Variants in SLC6A20 observed in about 807,000 individuals in gnomAD.
SLC6A20 encodes solute carrier family 6 member 20.
Under a neutral mutation model 64.3 loss-of-function variants are expected in SLC6A20, and 73 were observed. That is an observed-to-expected ratio of 1.14 (90% CI 0.94 to 1.38). SLC6A20 has a LOEUF of 1.38. Among genes scored for constraint, SLC6A20 ranks in the 40% most tolerant of loss-of-function variants. SLC6A20 has a pLI of 0.00. For missense variants in SLC6A20, 725 were observed against 772.8 expected, an observed-to-expected ratio of 0.94 and a Z score of 0.73; for synonymous variants, 347 against 329.6, an observed-to-expected ratio of 1.05 and a Z score of -0.57.
intron 4 of SLC6A20, among the ~76,000 whole-genome samples, chr3:45,772,954 G>A (rs550610927): frequency 7.2e-5 from 11 of 152,254 alleles, no homozygotes; most frequent in Non-Finnish European, 7.4e-5. Context: ...CATCAGTCAC[G>A]TTAACATTTC....
At chr3:45,796,073 G>A (rs1305114757) in intron 1 of SLC6A20, among the ~76,000 whole-genome samples, 1 of 152,204 alleles carries the variant, frequency 6.6e-6, no homozygotes, top group Non-Finnish European at 1.5e-5. Context: ...CCGCCCCCGG[G>A]ATGGGGCGAG....
rs775369622 is a variant in SLC6A20, at chr3:45,796,436, C to G, written c.-17G>C. ...TTTCTCCATGGCCCCGGCCTCGGCG[C>G]GCTCGGCTCCGGCTCGGGGGTCCGG... On this transcript the variant is annotated 5_prime_UTR_variant, in exon 1 of 11. Transcript: ENST00000358525. 1.2e-6 allele frequency: 2 copies of G among 1,605,500 alleles called. No homozygotes were observed. Among genetic ancestry groups the G allele is most frequent in the Admixed American group, 1.7e-5 (1 of 59,588 alleles).
intron 3 of SLC6A20, among the ~76,000 whole-genome samples, chr3:45,776,841 C>G (rs751113414): frequency 1.3e-5 from 2 of 152,162 alleles, no homozygotes; most frequent in African/African-American, 4.8e-5. Context: ...CCAAGGCAGG[C>G]GGGGATTGGG....
intron 7 of SLC6A20, among the ~76,000 whole-genome samples, chr3:45,766,116 G>A (rs1699772620): frequency 1.3e-5 from 2 of 152,228 alleles, no homozygotes; most frequent in African/African-American, 4.8e-5. Flanking sequence ...GGAGGGCGGG[G>A]CCAGGGCAGC....
At position 45,759,000 on chromosome 3, in the gene SLC6A20, C is replaced by G. The variant is rs1158297431; in HGVS notation, c.1757G>C (p.Gly586Ala). ...GTFVQRRLKRGDADPVA is the reference protein window; with the variant it reads ...GTFVQRRLKRADADPVA ...ATCTCAGGCCACGGGGTCTGCGTCTCCCCTCTTGAGGCGACGCTGAACAAA... is the reference window on the plus strand; with the variant it reads ...ATCTCAGGCCACGGGGTCTGCGTCTGCCCTCTTGAGGCGACGCTGAACAAA... Residue 586 changes from glycine (G) to alanine (A), a missense_variant, in exon 11 of 11, where the codon GGA becomes GCA. Physicochemically the swap from Gly to Ala is moderately conservative, Grantham distance 60 (BLOSUM62 0). Coordinates refer to ENST00000358525, the MANE Select transcript of SLC6A20 (RefSeq NM_020208.4). 3 of 1,611,330 alleles carry G rather than the reference C, an allele frequency of 1.9e-6. No homozygotes were observed. The Admixed American group carries it at 5.0e-5, about 27-fold the overall frequency.
At chr3:45,764,155 C>G (rs1045006604) in intron 8 of SLC6A20, among the ~76,000 whole-genome samples, 1 of 152,094 alleles carries the variant, frequency 6.6e-6, no homozygotes, top group African/African-American at 2.4e-5. Flanking sequence ...TGGAGTGGAG[C>G]AGATGGGCCA....
At chr3:45,773,478 T>G (rs765945360) in intron 4 of SLC6A20, among the ~76,000 whole-genome samples, 1 of 152,230 alleles carries the variant, frequency 6.6e-6, no homozygotes, top group African/African-American at 2.4e-5. Context: ...TTCTAACTGT[T>G]ACAAAGCCAT....
At chr3:45,770,126 C>T (rs1699835077) in intron 7 of SLC6A20, 83 bp downstream of exon 7, 1 of 1,565,742 alleles carries the variant, frequency 6.4e-7, no homozygotes, top group Non-Finnish European at 8.7e-7. Flanking sequence ...CAGACCTCGC[C>T]TATCTCCCAA....
At chr3:45,771,660 TC>T in intron 5 of SLC6A20, 1 of 758,064 alleles carries the variant, frequency 1.3e-6, no homozygotes, top group Non-Finnish European at 2.1e-6. Flanking sequence ...GCTGCACACC[TC>T]CCAGGGCTAA....
At chr3:45,788,455 C>T (rs1700202755) in intron 1 of SLC6A20, among the ~76,000 whole-genome samples, 2 of 152,156 alleles carry the variant, frequency 1.3e-5, no homozygotes, top group Admixed American at 1.3e-4. Context: ...TAGAAAAGTA[C>T]AATCACAAAT....
In SLC6A20 at chr3:45,763,166, G is replaced by C. The variant is rs535011803; in HGVS notation, c.1304-94C>G. On this transcript the variant is annotated intron_variant, in intron 8 of 10. Transcript: ENST00000358525. ...GGACAGTGGGGTCGTCGGCCCTCAG[G>C]GAATTTTGGCTGATTGCTTCATCCA... The C allele has an allele frequency of 6.2e-4, 955 of 1,549,542 alleles. 1 individual carries two copies. The highest frequency in any genetic ancestry group is 7.6e-4 in the Non-Finnish European group (874 of 1,143,336).
Position 45,771,391 on chromosome 3 carries a change from A to C in SLC6A20, c.761T>G (p.Leu254Arg), listed in dbSNP as rs1575428306. 6.2e-7 allele frequency: 1 copy of C among 1,614,266 alleles called. No homozygotes were observed. The highest frequency in any genetic ancestry group is 8.5e-7 in the Non-Finnish European group (1 of 1,180,044). Residue 254 changes from leucine (L) to arginine (R), a missense_variant, in exon 6 of 11, where the codon CTG becomes CGG. Physicochemically the swap from Leu to Arg is moderately radical, Grantham distance 102 (BLOSUM62 -2). Transcript: ENST00000358525. Reference protein sequence around the residue: ...AATQIFFSLGLGFGSLIAFAS... With the variant: ...AATQIFFSLGRGFGSLIAFAS... ...GAAGGCGATCAGGCTGCCGAAGCCC[A>C]GGCCAAGTGAGAAGAAGATCTGGGT...
In SLC6A20 at chr3:45,775,852, C is replaced by A. The variant is rs773991736; in HGVS notation, c.491G>T (p.Gly164Val). The A allele has an allele frequency of 3.7e-6, 6 of 1,614,048 alleles. No homozygotes were observed. The highest frequency in any genetic ancestry group is 5.1e-6 in the Non-Finnish European group (6 of 1,180,038). Reference sequence around the variant, plus strand: ...CAGCGCCGGCTCCCACTGCACACCCCCGTTCTCCTGGAGGGACGGCGAGAT... The same window carrying A: ...CAGCGCCGGCTCCCACTGCACACCCACGTTCTCCTGGAGGGACGGCGAGAT... ...LNISPSLQENGGVQWEPALCL... is the reference protein window; with the variant it reads ...LNISPSLQENVGVQWEPALCL... Residue 164 changes from glycine to valine, a missense_variant, in exon 4 of 11, where the codon GGG becomes GTG. Physicochemically the swap from Gly to Val is moderately radical, Grantham distance 109 (BLOSUM62 -3). Transcript: ENST00000358525.
chr3:45,778,878 G>A (rs1700021166), intron 3 of SLC6A20, among the ~76,000 whole-genome samples: 1 of 152,184 alleles, frequency 6.6e-6, no homozygotes. Flanking sequence ...AAGAAGGAGG[G>A]ACTGCAACTA....
chr3:45,796,392 TG>T lies in SLC6A20; in HGVS notation c.27del (p.Asn10ThrfsTer119). ...CAGGCGAACACGAACTGTAGCGAGTTGGCCCACAGCGGCCGCGCTTTCTCCA... is the reference window on the plus strand; with the variant it reads ...CAGGCGAACACGAACTGTAGCGAGTTGCCCACAGCGGCCGCGCTTTCTCCA... MEKARPLWANSLQFVFACI... is the reference protein window; with the variant it reads MEKARPLWXNSLQFVFACI... On this transcript the variant is annotated frameshift_variant, in exon 1 of 11. Transcript: ENST00000358525. LOFTEE classifies it high-confidence loss of function. 6.2e-7 allele frequency: 1 copy of T among 1,611,836 alleles called. No homozygotes were observed. The highest frequency in any genetic ancestry group is 8.5e-7 in the Non-Finnish European group (1 of 1,179,426).
Position 45,780,109 on chromosome 3 carries a change from A to G in SLC6A20, c.263-9T>C. ...CACCACGCTGGCGACCCCTGCGAGG[A>G]AGCAGAGGGCCGCGCTGAGGACTGA... On this transcript the variant is annotated splice_polypyrimidine_tract_variant and intron_variant, in intron 2 of 10. Coordinates refer to ENST00000358525, the MANE Select transcript of SLC6A20 (RefSeq NM_020208.4). 3 of 1,581,336 alleles carry G rather than the reference A, an allele frequency of 1.9e-6. No individual in the cohort carries two copies. Among genetic ancestry groups the G allele is most frequent in the Non-Finnish European group, 2.6e-6 (3 of 1,163,232 alleles).
At position 45,796,452 on chromosome 3, in the gene SLC6A20, G is replaced by C. The variant is rs766451977; in HGVS notation, c.-33C>G. ...GCCTCGGCGCGCTCGGCTCCGGCTC[G>C]GGGGTCCGGCACGGCAGTCTCAGTG... On this transcript the variant is annotated 5_prime_UTR_variant, in exon 1 of 11. Coordinates refer to ENST00000358525, the MANE Select transcript of SLC6A20 (RefSeq NM_020208.4). 5.0e-6 allele frequency: 8 copies of C among 1,599,026 alleles called. No individual in the cohort carries two copies. Among genetic ancestry groups the C allele is most frequent in the Non-Finnish European group, 6.8e-6 (8 of 1,173,168 alleles).
chr3:45,768,706 CCCAA>C (rs981769863), intron 7 of SLC6A20, among the ~76,000 whole-genome samples: 1 of 152,308 alleles, frequency 6.6e-6, no homozygotes, highest in African/African-American at 2.4e-5. Flanking sequence ...ACAAACCAAA[CCCAA>C]CCAACCAACC....
In SLC6A20 at chr3:45,762,915, C is replaced by G; in HGVS notation, c.1461G>C (p.Arg487Ser). The change falls in exon 9 of 11, where the codon AGG (arginine) becomes AGC (serine). Residue 487 changes from arginine to serine, a missense_variant and splice_region_variant. Physicochemically the swap from Arg to Ser is moderately radical, Grantham distance 110. Coordinates refer to ENST00000358525, the MANE Select transcript of SLC6A20 (RefSeq NM_020208.4). ...TIAVCYVYGL[R>S]RFESDLKAMT... ...ATGAGGGTCCTGGGCCTCCTCACCT[C>G]CTCAGCCCGTACACGTAGCACACGG... 1 of 1,614,136 alleles carries G rather than the reference C, an allele frequency of 6.2e-7. No individual in the cohort carries two copies. Among genetic ancestry groups the G allele is most frequent in the South Asian group, 1.1e-5 (1 of 91,078 alleles).
Sources: allele counts gnomAD v4.1 joint callset (sites outside exome capture counted in the v4.1 genomes callset), GRCh38; gene constraint gnomAD v4.1.1; transcripts MANE v1.5; gene names NCBI Gene and HGNC (gene_info 2026-07-23, HGNC 2026-07-21).